Variants in ZNF395 observed in about 807,000 individuals in gnomAD.
The protein encoded by ZNF395 is zinc finger protein 395, also known as HD gene regulatory region-binding protein 2.
A neutral mutation model predicts 57.7 loss-of-function variants in ZNF395; 20 were observed. That is an observed-to-expected ratio of 0.35 (90% confidence interval 0.24 to 0.50). The LOEUF (loss-of-function observed/expected upper bound fraction) is 0.50. Ranked by LOEUF, ZNF395 falls within the 20% of genes least tolerant of loss-of-function variation. The pLI, the probability that ZNF395 is intolerant of heterozygous loss-of-function variation, is 0.97. For missense variants in ZNF395, 606 were observed against 671.2 expected, an observed-to-expected ratio of 0.90 and a Z score of 1.07; for synonymous variants, 295 against 275.9, an observed-to-expected ratio of 1.07 and a Z score of -0.69.
chr8:28,359,877 G>T lies in ZNF395; in HGVS notation c.241-53C>A. ...GTCAGCCCTGGATGGGTCTCGCCCT[G>T]AAGTTCTCATGCACCCCACGTCCCA... On this transcript the variant is annotated intron_variant, in intron 2 of 9. Transcript: ENST00000344423. The surrounding 1 kb of genome is among the most constrained non-coding windows in gnomAD (Gnocchi z 4.7). 5.1e-6 allele frequency: 8 copies of T among 1,573,898 alleles called. No homozygotes were observed. The highest frequency in any genetic ancestry group is 1.3e-5 in the African/African-American group (1 of 74,442).
chr8:28,353,634 A>G (rs1230783501), intron 4 of ZNF395, among the ~76,000 whole-genome samples: 1 of 152,124 alleles, frequency 6.6e-6, no homozygotes, highest in South Asian at 2.1e-4. Context: ...ACAAAGAGAA[A>G]CCTAACTGAA....
chr8:28,357,452 C>T (rs760303908), intron 3 of ZNF395, among the ~76,000 whole-genome samples: 5 of 152,116 alleles, frequency 3.3e-5, no homozygotes, highest in African/African-American at 4.8e-5. Flanking sequence ...TTTAAAAATC[C>T]GTATATCACT....
chr8:28,354,038 A>G (rs1801751166), intron 4 of ZNF395, among the ~76,000 whole-genome samples: 1 of 152,246 alleles, frequency 6.6e-6, no homozygotes, highest in South Asian at 2.1e-4. Context: ...AACATTTCCC[A>G]GTGCTAGCTG....
intron 1 of ZNF395, among the ~76,000 whole-genome samples, chr8:28,383,499 G>C (rs1802134763): frequency 6.6e-6 from 1 of 152,066 alleles, no homozygotes; most frequent in Non-Finnish European, 1.5e-5. Context: ...ACTGTCTTTA[G>C]CAAATCCCAT....
rs1056020172 is a variant in ZNF395 at position 28,350,253 on chromosome 8, ATC to A, written c.1234-99_1234-98del. 9 of 1,032,544 alleles carry A rather than the reference ATC, an allele frequency of 8.7e-6. No individual in the cohort carries two copies. In the African/African-American group the frequency reaches 1.1e-4, roughly 13 times the overall value. 64.0% of individuals were successfully genotyped at this position (1,032,544 alleles called of 1,614,324 possible). A position where few individuals can be genotyped will look rare whatever the true frequency, so the allele number is the denominator to read the frequency against. ...GCCTCATGACAGCAGCAGAAGGTGC[ATC>A]TCTGCGTAAGTGCAATGACCAGAAA... On this transcript the variant is annotated intron_variant, in intron 7 of 9. Coordinates refer to ENST00000344423, the MANE Select transcript of ZNF395 (RefSeq NM_018660.3).
Position 28,382,401 on chromosome 8 carries a change from C to A in ZNF395, c.-59+3992G>T, listed in dbSNP as rs1216849119. Among the ~76,000 whole-genome samples the A allele has an allele frequency of 2.6e-5, 4 of 152,118 alleles. No homozygotes were observed. In the East Asian group the frequency reaches 7.7e-4, roughly 29 times the overall value. ...GCCCACTTTAACAACTTGATTTCTC[C>A]CTAATCTCTAACAAGAACCCTCTGT... On this transcript the variant is annotated intron_variant, in intron 1 of 9. Coordinates refer to ENST00000344423, the MANE Select transcript of ZNF395 (RefSeq NM_018660.3).
At position 28,349,277 on chromosome 8, in the gene ZNF395, G is replaced by C. The variant is rs371446583; in HGVS notation, c.1327-49C>G. The C allele has an allele frequency of 1.1e-5, 16 of 1,443,770 alleles. No homozygotes were observed. The African/African-American group carries it at 2.0e-4, about 18-fold the overall frequency. The allele number at this position is 1,443,770 out of a possible 1,614,324, so 89.4% of individuals were successfully genotyped here. ...GAGCACAGGGACATTCAGGAAAGGT[G>C]AGGGAGCTATCCTAAAAGACAGGCA... On this transcript the variant is annotated intron_variant, in intron 8 of 9. Coordinates refer to ENST00000344423, the MANE Select transcript of ZNF395 (RefSeq NM_018660.3).
intron 1 of ZNF395, among the ~76,000 whole-genome samples, chr8:28,362,152 G>A (rs1055365136): frequency 1.3e-5 from 2 of 151,788 alleles, no homozygotes; most frequent in Admixed American, 1.3e-4. Flanking sequence ...TACACTTGAA[G>A]ACACTGATGT....
rs1172661227 is a variant in ZNF395, at chr8:28,356,940, C to G, written c.474-161G>C. On this transcript the variant is annotated intron_variant, in intron 3 of 9. Coordinates refer to ENST00000344423, the MANE Select transcript of ZNF395 (RefSeq NM_018660.3). The surrounding 1 kb of genome is among the most constrained non-coding windows in gnomAD (Gnocchi z 4.0). The stretch of plus-strand genomic sequence containing the variant: ...CAACTCCAATCAGCCAGTGTGTGCT[C>G]AGATCATATAAACTCAGTGAAACAT... Among the ~76,000 whole-genome samples, 1 of 152,190 alleles carries G rather than the reference C, an allele frequency of 6.6e-6. No individual in the cohort carries two copies. The highest frequency in any genetic ancestry group is 1.5e-5 in the Non-Finnish European group (1 of 68,038).
In ZNF395 at chr8:28,386,385, C is replaced by T. The variant is rs1255371080; in HGVS notation, c.-59+8G>A. 7.2e-6 allele frequency: 1 copy of T among 139,356 alleles called. No individual in the cohort carries two copies. Among genetic ancestry groups the T allele is most frequent in the Non-Finnish European group, 1.5e-5 (1 of 64,716 alleles). 8.6% of individuals were successfully genotyped at this position (139,356 alleles called of 1,614,324 possible). Reference sequence around the variant, plus strand: ...CCAGCACGCCCCCAGCGCGCCTGGGCTACACACCCCCGGCCGCCCGTAGAC... The same window carrying T: ...CCAGCACGCCCCCAGCGCGCCTGGGTTACACACCCCCGGCCGCCCGTAGAC... On this transcript the variant is annotated splice_region_variant and intron_variant, in intron 1 of 9. Coordinates refer to ENST00000344423, the MANE Select transcript of ZNF395 (RefSeq NM_018660.3).
At chr8:28,358,768 G>C (rs1801812726) in intron 3 of ZNF395, among the ~76,000 whole-genome samples, 1 of 152,168 alleles carries the variant, frequency 6.6e-6, no homozygotes, top group Non-Finnish European at 1.5e-5. Flanking sequence ...TTCTTGACAT[G>C]TGACACATGG....
In ZNF395 at chr8:28,382,269, T is replaced by C. The variant is rs949841454; in HGVS notation, c.-59+4124A>G. ...AATCCAGAGATTTTTCTGTATTTTT[T>C]CCCCCAATTTTTAAACACCTTTATG... On this transcript the variant is annotated intron_variant, in intron 1 of 9. Coordinates refer to ENST00000344423, the MANE Select transcript of ZNF395 (RefSeq NM_018660.3). 2.6e-5 allele frequency among the ~76,000 whole-genome samples: 4 copies of C among 152,020 alleles called. No individual in the cohort carries two copies. The East Asian group carries it at 5.8e-4, about 22-fold the overall frequency.
At chr8:28,375,692 G>C (rs1375500943) in intron 1 of ZNF395, among the ~76,000 whole-genome samples, 1 of 152,176 alleles carries the variant, frequency 6.6e-6, no homozygotes, top group Non-Finnish European at 1.5e-5. Context: ...TGTCCTATCA[G>C]ACGTTGGAAA....
Position 28,348,814 on chromosome 8 carries a change from C to T in ZNF395, c.1447G>A (p.Ala483Thr), listed in dbSNP as rs1443760392. 3 of 1,614,092 alleles carry T rather than the reference C, an allele frequency of 1.9e-6. No homozygotes were observed. The highest frequency in any genetic ancestry group is 2.5e-6 in the Non-Finnish European group (3 of 1,180,026). Reference protein sequence around the residue: ...QSGARKARGEAKKCRKVYGIE... With the variant: ...QSGARKARGETKKCRKVYGIE... Reference sequence around the variant, plus strand: ...CCATACACCTTGCGGCACTTCTTAGCCTCCCCTCGGGCTTTCCTGCAGAAA... The same window carrying T: ...CCATACACCTTGCGGCACTTCTTAGTCTCCCCTCGGGCTTTCCTGCAGAAA... The change falls in exon 10 of 10, where the codon GCT becomes ACT. Residue 483 changes from alanine (A) to threonine (T), a missense_variant. Ala to Thr is a moderately conservative substitution (Grantham distance 58). Transcript: ENST00000344423.
At chr8:28,379,079 A>G (rs1377775165) in intron 1 of ZNF395, among the ~76,000 whole-genome samples, 2 of 152,232 alleles carry the variant, frequency 1.3e-5, no homozygotes, top group East Asian at 3.8e-4. Flanking sequence ...TATTGGTTGT[A>G]TTCGAACACC....
chr8:28,382,362 T>C (rs1802119810), intron 1 of ZNF395, among the ~76,000 whole-genome samples: 1 of 152,206 alleles, frequency 6.6e-6, no homozygotes, highest in African/African-American at 2.4e-5. Flanking sequence ...ACCTTTGCCC[T>C]ATATGTGACC....
At chr8:28,367,929 A>G (rs955924423) in intron 1 of ZNF395, among the ~76,000 whole-genome samples, 2 of 152,216 alleles carry the variant, frequency 1.3e-5, no homozygotes, top group Admixed American at 6.5e-5. Flanking sequence ...GTTTCCTTAA[A>G]AACAGGTAGA....
At chr8:28,363,097 C>T (rs1444005738) in intron 1 of ZNF395, among the ~76,000 whole-genome samples, 2 of 151,224 alleles carry the variant, frequency 1.3e-5, no homozygotes, top group African/African-American at 4.9e-5. Context: ...AAAATGTATA[C>T]CTAAGCTAAA....
In ZNF395 at chr8:28,352,606, C is replaced by A; in HGVS notation, c.887G>T (p.Gly296Val). The A allele has an allele frequency of 6.2e-7, 1 of 1,614,138 alleles. No individual in the cohort carries two copies. The highest frequency in any genetic ancestry group is 8.5e-7 in the Non-Finnish European group (1 of 1,180,024). The change falls in exon 6 of 10, where the codon GGC (glycine) becomes GTC (valine). Residue 296 changes from glycine to valine, a missense_variant. Physicochemically the swap from Gly to Val is moderately radical, Grantham distance 109. Around this residue, in one of 3 missense-constraint regions of ZNF395, gnomAD observed 261 missense variants for 240.3 expected, o/e 1.09. Transcript: ENST00000344423. This position sits in a 1 kb window ranked among gnomAD's most constrained non-coding sequence, Gnocchi z 4.0. ...NCGKVLRSIV[G>V]IKRHVKALHL... ...GAGGGCTTTGACGTGTCGTTTGATG[C>A]CCACAATGGAGCGCAGAACTTTGCC...
Sources: gnomAD v4.1 joint callset for allele counts (sites outside exome capture counted in the v4.1 genomes callset) on GRCh38, gnomAD v4.1.1 for gene constraint, gnomAD v4.1.1 regional missense constraint, Gnocchi (gnomAD v3.1) non-coding constraint, MANE v1.5 for transcripts, NCBI Gene and HGNC (gene_info 2026-07-23, HGNC 2026-07-21) for gene names.